Variants in LCLAT1 observed in about 807,000 individuals in gnomAD.
LCLAT1 encodes lysocardiolipin acyltransferase 1.
A neutral mutation model predicts 30.7 loss-of-function variants in LCLAT1; 11 were observed. The observed-to-expected ratio is 0.36, with a 90% CI of 0.23 to 0.59. LCLAT1 has a LOEUF of 0.59. LCLAT1 is among the 20% of genes least tolerant of loss of function. LCLAT1 has a pLI of 0.77. For synonymous variants in LCLAT1, 155 were observed against 151.3 expected (o/e 1.02, Z -0.18); for missense variants, 402 against 458.6 (o/e 0.88, Z 1.13).
At chr2:30,494,046 A>T (rs1304943048) in intron 1 of LCLAT1, among the ~76,000 whole-genome samples, 1 of 151,882 alleles carries the variant, frequency 6.6e-6, no homozygotes, top group Admixed American at 6.6e-5. Flanking sequence ...AATAAATAAT[A>T]AATAAAATAG....
chr2:30,494,894 A>G (rs943413915), intron 1 of LCLAT1, among the ~76,000 whole-genome samples: 5 of 147,868 alleles, frequency 3.4e-5, no homozygotes, highest in African/African-American at 1.2e-4. Context: ...TAGTAAATCT[A>G]TATATTTATC....
At chr2:30,525,310 C>G (rs902014103) in intron 1 of LCLAT1, among the ~76,000 whole-genome samples, 3 of 152,112 alleles carry the variant, frequency 2.0e-5, no homozygotes, top group Admixed American at 1.3e-4. Context: ...CTCCTGGCCT[C>G]AAGTGATCCA....
intron 1 of LCLAT1, among the ~76,000 whole-genome samples, chr2:30,487,081 AAAAC>A (rs1280316993): frequency 6.6e-6 from 1 of 152,214 alleles, no homozygotes; most frequent in African/African-American, 2.4e-5. Context: ...TTAAGAAACA[AAAAC>A]AAAGGCAGAA....
chr2:30,537,273 C>T (rs896511428), intron 3 of LCLAT1, among the ~76,000 whole-genome samples: 2 of 151,712 alleles, frequency 1.3e-5, no homozygotes, highest in South Asian at 2.1e-4. Flanking sequence ...CCCAGCTACT[C>T]GGGAGGCTGA....
chr2:30,600,594 C>A (rs1464618364), intron 5 of LCLAT1, among the ~76,000 whole-genome samples: 2 of 143,980 alleles, frequency 1.4e-5, no homozygotes, highest in South Asian at 4.4e-4. Flanking sequence ...AAATTCTTTT[C>A]TTTAAGAATG....
intron 3 of LCLAT1, among the ~76,000 whole-genome samples, chr2:30,551,472 T>C (rs1445178249): frequency 6.6e-6 from 1 of 152,252 alleles, no homozygotes; most frequent in Non-Finnish European, 1.5e-5. Context: ...GATCCCTTTT[T>C]TTTATGAAGA....
chr2:30,471,810 A>G (rs942689364), intron 1 of LCLAT1, among the ~76,000 whole-genome samples: 1 of 152,182 alleles, frequency 6.6e-6, no homozygotes, highest in African/African-American at 2.4e-5. Flanking sequence ...ACATAGGATC[A>G]TGTCATGTGC....
chr2:30,504,916 G>A (rs1006422918), intron 1 of LCLAT1, among the ~76,000 whole-genome samples: 2 of 152,256 alleles, frequency 1.3e-5, no homozygotes, highest in African/African-American at 4.8e-5. Flanking sequence ...ATGGCATTAA[G>A]CCTTTTGGGG....
chr2:30,637,798 G>C (rs931455443), intron 5 of LCLAT1, among the ~76,000 whole-genome samples: 1 of 151,934 alleles, frequency 6.6e-6, no homozygotes, highest in Non-Finnish European at 1.5e-5. Context: ...GGCTGGTCTC[G>C]AACTCCTGAC....
At chr2:30,631,042 C>T (rs1668744046) in intron 5 of LCLAT1, among the ~76,000 whole-genome samples, 1 of 152,172 alleles carries the variant, frequency 6.6e-6, no homozygotes, top group Non-Finnish European at 1.5e-5. Context: ...ACTTTAACTA[C>T]TTATAGCCAA....
At chr2:30,604,819 T>C (rs1283610739) in intron 5 of LCLAT1, among the ~76,000 whole-genome samples, 3 of 152,206 alleles carry the variant, frequency 2.0e-5, no homozygotes, top group Admixed American at 2.0e-4. Context: ...TGTTTGTTTT[T>C]AGAGGACAAA....
At chr2:30,591,547 C>G (rs1250880531) in intron 5 of LCLAT1, among the ~76,000 whole-genome samples, 1 of 152,214 alleles carries the variant, frequency 6.6e-6, no homozygotes, top group East Asian at 1.9e-4. Flanking sequence ...AAATTATTGT[C>G]TCCAACTCTT....
intron 3 of LCLAT1, among the ~76,000 whole-genome samples, chr2:30,551,184 G>A (rs1277783099): frequency 1.3e-5 from 2 of 150,716 alleles, no homozygotes; most frequent in African/African-American, 2.4e-5. Context: ...TTTTTTTTTT[G>A]TAGAGAAGTG....
intron 4 of LCLAT1, among the ~76,000 whole-genome samples, chr2:30,565,173 T>A (rs1558523412): frequency 6.6e-6 from 1 of 152,154 alleles, no homozygotes; most frequent in Non-Finnish European, 1.5e-5. Context: ...TGAGATTTAT[T>A]TTAAGGAATT....
At chr2:30,572,499 G>C (rs936142456) in intron 5 of LCLAT1, among the ~76,000 whole-genome samples, 1 of 152,128 alleles carries the variant, frequency 6.6e-6, no homozygotes, top group Non-Finnish European at 1.5e-5. Flanking sequence ...CCATTCATAC[G>C]TATCCCCTAA....
At chr2:30,605,973 C>T in intron 5 of LCLAT1, 1 of 1,266,426 alleles carries the variant, frequency 7.9e-7, no homozygotes. Flanking sequence ...GTTCTTGCTA[C>T]CATGAGAATC....
chr2:30,638,273 C>T (rs1392103498), intron 5 of LCLAT1, among the ~76,000 whole-genome samples: 1 of 152,168 alleles, frequency 6.6e-6, no homozygotes, highest in Non-Finnish European at 1.5e-5. Context: ...GGAATTGCTT[C>T]CTATCTTTAT....
intron 5 of LCLAT1, among the ~76,000 whole-genome samples, chr2:30,637,948 T>C (rs1191371031): frequency 1.3e-5 from 2 of 152,338 alleles, no homozygotes; most frequent in South Asian, 2.1e-4. Context: ...ACTGAAGCTT[T>C]CTTCAGTGAG....
chr2:30,449,156 C>G lies in LCLAT1; in HGVS notation c.-5+1773C>G, dbSNP rs191089816. Among the ~76,000 whole-genome samples the G allele has an allele frequency of 2.0e-3, 307 of 152,286 alleles. 2 individuals are homozygous for G. Among genetic ancestry groups the G allele is most frequent in the African/African-American group, 7.0e-3 (292 of 41,540 alleles). ...CACACAATTAGCATTGTGTTTCCAG[C>G]CTGTGTTCTTACTGTCTTACTACCA... On this transcript the variant is annotated intron_variant, in intron 1 of 5. Transcript: ENST00000379509.
Sources: gnomAD v4.1 joint callset for allele counts (sites outside exome capture counted in the v4.1 genomes callset) on GRCh38, gnomAD v4.1.1 for gene constraint, MANE v1.5 for transcripts, NCBI Gene and HGNC (gene_info 2026-07-23, HGNC 2026-07-21) for gene names.